Variants in TCF12 observed in about 807,000 individuals in gnomAD.
TCF12 encodes the protein transcription factor 12.
Under a neutral mutation model 86.0 loss-of-function variants are expected in TCF12, and 45 were observed. The observed-to-expected ratio is 0.52, with a 90% CI of 0.41 to 0.67. The LOEUF (loss-of-function observed/expected upper bound fraction) is 0.67, where lower values mean the gene tolerates loss of function less well. Ranked by LOEUF, TCF12 falls within the 30% of genes least tolerant of loss-of-function variation. The pLI is 0.00. For missense variants in TCF12, 881 were observed against 859.9 expected, an observed-to-expected ratio of 1.02 and a Z score of -0.31; for synonymous variants, 330 against 299.6, an observed-to-expected ratio of 1.10 and a Z score of -1.05.
intron 4 of TCF12, among the ~76,000 whole-genome samples, chr15:57,090,867 A>G (rs2048950662): frequency 6.6e-6 from 1 of 152,194 alleles, no homozygotes; most frequent in African/African-American, 2.4e-5. Context: ...TTGTTTAGAA[A>G]CAATATGATT....
At chr15:57,202,289 T>G (rs2057580710) in intron 8 of TCF12, among the ~76,000 whole-genome samples, 1 of 152,210 alleles carries the variant, frequency 6.6e-6, no homozygotes, top group Non-Finnish European at 1.5e-5. Context: ...CTTAGTATAT[T>G]AAATTAAAAC....
At chr15:56,980,572 A>G (rs1330814720) in intron 3 of TCF12, among the ~76,000 whole-genome samples, 1 of 152,218 alleles carries the variant, frequency 6.6e-6, no homozygotes, top group African/African-American at 2.4e-5. Flanking sequence ...TTGTTGTTGT[A>G]GTACAAAACA....
At chr15:57,017,430 C>T (rs1275710282) in intron 3 of TCF12, among the ~76,000 whole-genome samples, 1 of 152,138 alleles carries the variant, frequency 6.6e-6, no homozygotes, top group African/African-American at 2.4e-5. Flanking sequence ...ATTGGTATTG[C>T]CTATCATTGC....
At chr15:57,207,762 A>G (rs1259045842) in intron 8 of TCF12, among the ~76,000 whole-genome samples, 1 of 152,200 alleles carries the variant, frequency 6.6e-6, no homozygotes, top group African/African-American at 2.4e-5. Flanking sequence ...TAAACTGTCA[A>G]ACTCATCATT....
intron 3 of TCF12, among the ~76,000 whole-genome samples, chr15:57,023,160 T>G (rs1480369781): frequency 6.6e-6 from 1 of 152,214 alleles, no homozygotes; most frequent in Non-Finnish European, 1.5e-5. Flanking sequence ...CTCCAGTTTT[T>G]ACCTCAAGCA....
intron 12 of TCF12, among the ~76,000 whole-genome samples, chr15:57,237,805 A>G (rs1026285149): frequency 6.6e-6 from 1 of 152,218 alleles, no homozygotes. Context: ...CACAATTTTT[A>G]TAGAATAAGT....
At chr15:56,971,716 A>G (rs2062339182) in intron 3 of TCF12, among the ~76,000 whole-genome samples, 1 of 152,188 alleles carries the variant, frequency 6.6e-6, no homozygotes. Context: ...AAACATATGA[A>G]TTGTTTCTGG....
At chr15:57,187,192 T>G (rs1259179252) in intron 6 of TCF12, among the ~76,000 whole-genome samples, 1 of 150,912 alleles carries the variant, frequency 6.6e-6, no homozygotes, top group Non-Finnish European at 1.5e-5. Flanking sequence ...AAAAAAAAGA[T>G]TCTGACAAAA....
At chr15:56,946,056 G>A (rs1429715673) in intron 3 of TCF12, among the ~76,000 whole-genome samples, 2 of 152,134 alleles carry the variant, frequency 1.3e-5, no homozygotes, top group African/African-American at 2.4e-5. Context: ...AAATTTCTCA[G>A]TCTCACGTAC....
At chr15:57,140,951 T>C (rs186087727) in intron 5 of TCF12, among the ~76,000 whole-genome samples, 9 of 152,292 alleles carry the variant, frequency 5.9e-5, no homozygotes, top group African/African-American at 2.2e-4. Flanking sequence ...TCTCTAATAA[T>C]GTAATACGTT....
At chr15:57,175,017 AAAAT>A (rs1341398607) in intron 6 of TCF12, among the ~76,000 whole-genome samples, 2 of 152,224 alleles carry the variant, frequency 1.3e-5, no homozygotes, top group African/African-American at 2.4e-5. Flanking sequence ...GGTTAAAAAA[AAAAT>A]AAATCGGTAA....
At chr15:57,208,674 T>C (rs2057970771) in intron 8 of TCF12, among the ~76,000 whole-genome samples, 1 of 151,768 alleles carries the variant, frequency 6.6e-6, no homozygotes, top group South Asian at 2.1e-4. Context: ...CGTGAGCCAC[T>C]GCACCCAGCC....
At chr15:57,247,816 A>G in intron 13 of TCF12, 2 of 753,090 alleles carry the variant, frequency 2.7e-6, no homozygotes, top group East Asian at 2.4e-5. Flanking sequence ...TCACAAAACC[A>G]AAGCCCCTGG....
At chr15:57,025,147 G>A (rs1174897964) in intron 3 of TCF12, among the ~76,000 whole-genome samples, 2 of 151,766 alleles carry the variant, frequency 1.3e-5, no homozygotes, top group African/African-American at 2.4e-5. Context: ...TGGCACGATC[G>A]CAGCTCATTG....
intron 3 of TCF12, among the ~76,000 whole-genome samples, chr15:56,962,764 A>C (rs966952734): frequency 2.0e-5 from 3 of 152,156 alleles, no homozygotes; most frequent in African/African-American, 2.4e-5. Flanking sequence ...ATGTCTCTTT[A>C]AGCTGTGGAA....
intron 4 of TCF12, among the ~76,000 whole-genome samples, chr15:57,089,474 A>T (rs2048850813): frequency 6.6e-6 from 1 of 152,214 alleles, no homozygotes; most frequent in African/African-American, 2.4e-5. Context: ...GGTAAAAGAC[A>T]CTACATGTAA....
intron 3 of TCF12, among the ~76,000 whole-genome samples, chr15:56,997,691 A>G (rs148136155): frequency 3.3e-4 from 50 of 152,332 alleles, no homozygotes; most frequent in African/African-American, 1.1e-3. Context: ...TGAGAAAACA[A>G]ATAATAAAAT....
chr15:56,968,796 G>T (rs1469178872), intron 3 of TCF12, among the ~76,000 whole-genome samples: 1 of 152,138 alleles, frequency 6.6e-6, no homozygotes, highest in Non-Finnish European at 1.5e-5. Context: ...AGGTGGCTGG[G>T]GACAGCTTGC....
At chr15:57,058,565 G>A (rs1265891869) in intron 3 of TCF12, among the ~76,000 whole-genome samples, 2 of 151,998 alleles carry the variant, frequency 1.3e-5, no homozygotes, top group East Asian at 1.9e-4. Context: ...TCTTTCCACC[G>A]GACTTACTTT....
Sources: allele counts gnomAD v4.1 joint callset (sites outside exome capture counted in the v4.1 genomes callset), GRCh38; gene constraint gnomAD v4.1.1; transcripts MANE v1.5; gene names NCBI Gene and HGNC (gene_info 2026-07-23, HGNC 2026-07-21).